FAM20A: variants seen among roughly 807,000 people sequenced by gnomAD.
The protein encoded by FAM20A is pseudokinase FAM20A.
A neutral mutation model predicts 52.0 loss-of-function variants in FAM20A; 42 were observed. That is an observed-to-expected ratio of 0.81 (90% CI 0.63 to 1.04). FAM20A has a LOEUF of 1.04. Among genes scored for constraint, FAM20A ranks in the 50% least tolerant of loss-of-function variants. The pLI is 0.00. For missense variants in FAM20A, 742 were observed against 712.7 expected (o/e 1.04, Z -0.47); for synonymous variants, 304 against 298.9 (o/e 1.02, Z -0.18).
chr17:68,561,070 C>T (rs2087198283), intron 1 of FAM20A, among the ~76,000 whole-genome samples: 2 of 152,134 alleles, frequency 1.3e-5, no homozygotes, highest in Admixed American at 6.5e-5. Flanking sequence ...GCATTTTTCT[C>T]CCAGTTTGTT....
intron 1 of FAM20A, among the ~76,000 whole-genome samples, chr17:68,572,481 C>T (rs957891118): frequency 2.0e-5 from 3 of 152,298 alleles, no homozygotes; most frequent in East Asian, 3.9e-4. Context: ...AGAGCAGTAA[C>T]ACTGAGTAGT....
intron 1 of FAM20A, among the ~76,000 whole-genome samples, chr17:68,575,732 A>G (rs1367343475): frequency 8.2e-6 from 1 of 122,180 alleles, no homozygotes; most frequent in Non-Finnish European, 1.6e-5. Context: ...TATTTTATAT[A>G]TTATATATTT....
chr17:68,540,244 T>G (rs905156160), intron 8 of FAM20A, among the ~76,000 whole-genome samples: 10 of 152,206 alleles, frequency 6.6e-5, no homozygotes, highest in African/African-American at 2.4e-4. Context: ...GAGATTTGAA[T>G]GTGCAGAAAG....
intron 10 of FAM20A, among the ~76,000 whole-genome samples, chr17:68,538,477 T>G (rs1238253189): frequency 6.6e-6 from 1 of 152,244 alleles, no homozygotes; most frequent in African/African-American, 2.4e-5. Flanking sequence ...ATATTTATAA[T>G]TAGCTCTGCA....
Position 68,589,046 on chromosome 17 carries a change from G to C in FAM20A, c.404+11217C>G, listed in dbSNP as rs543705413. ...TCCTGAATCTCCCCAGATAGCCTTT[G>C]ATTTATGTTGGCCAACATAGTATGG... On this transcript the variant is annotated intron_variant, in intron 1 of 10. Transcript: ENST00000592554. Among the ~76,000 whole-genome samples the C allele has an allele frequency of 5.1e-3, 774 of 152,304 alleles. 5 individuals are homozygous for C. The highest frequency in any genetic ancestry group is 8.4e-3 in the Non-Finnish European group (569 of 68,026).
At chr17:68,538,444 T>A (rs1255352126) in intron 10 of FAM20A, among the ~76,000 whole-genome samples, 1 of 152,224 alleles carries the variant, frequency 6.6e-6, no homozygotes, top group East Asian at 1.9e-4. Context: ...ACAAATGAGA[T>A]GTTTTTGCTA....
rs777740586 is a variant in FAM20A at position 68,543,723 on chromosome 17, T to TGGAA, written c.720-6_720-3dup. The TGGAA allele has an allele frequency of 3.3e-5, 53 of 1,608,396 alleles. No homozygotes were observed. The highest frequency in any genetic ancestry group is 2.7e-4 in the South Asian group (25 of 90,964). On this transcript the variant is annotated splice_region_variant and splice_polypyrimidine_tract_variant and intron_variant, in intron 4 of 10. Transcript: ENST00000592554. The stretch of plus-strand genomic sequence containing the variant: ...GGTGTCTCCTCATCTCGCTGCTGTC[T>TGGAA]GGAAGGAAGGAAGGAATCACGCCCT...
rs1004089452 is a variant in FAM20A, at chr17:68,539,938, C to T, written c.1248G>A (p.Met416Ile). The T allele has an allele frequency of 1.4e-5, 22 of 1,614,082 alleles. No individual in the cohort carries two copies. The highest frequency in any genetic ancestry group is 1.9e-5 in the Non-Finnish European group (22 of 1,180,040). ...ACCCATCATCCCCGAACTTGGTGAA[C>T]ATCTCATAATGGTGCCGGTCCATAT... The part of the protein sequence containing the change: ...IGNMDRHHYE[M>I]FTKFGDDGFL... Residue 416 changes from methionine to isoleucine, a missense_variant, in exon 9 of 11, where the codon ATG becomes ATA. By Grantham distance (10) the Met-to-Ile change is conservative (BLOSUM62 1). Transcript: ENST00000592554.
At chr17:68,576,815 C>T (rs1339922372) in intron 1 of FAM20A, among the ~76,000 whole-genome samples, 1 of 152,226 alleles carries the variant, frequency 6.6e-6, no homozygotes, top group Non-Finnish European at 1.5e-5. Context: ...CAGCCCTGTT[C>T]ATTTTGAATA....
At chr17:68,594,797 T>C (rs1407053520) in intron 1 of FAM20A, among the ~76,000 whole-genome samples, 1 of 152,352 alleles carries the variant, frequency 6.6e-6, no homozygotes, top group East Asian at 1.9e-4. Context: ...CTTATTCTGC[T>C]TTGAATCTCA....
At chr17:68,538,297 CTT>C (rs772687669) in intron 10 of FAM20A, among the ~76,000 whole-genome samples, 18 of 152,174 alleles carry the variant, frequency 1.2e-4, no homozygotes, top group Non-Finnish European at 1.0e-4. Context: ...GCTTAATTGA[CTT>C]TTGTCAAAAA....
intron 1 of FAM20A, among the ~76,000 whole-genome samples, chr17:68,575,352 A>C (rs2087696676): frequency 6.9e-6 from 1 of 144,660 alleles, no homozygotes; most frequent in African/African-American, 2.6e-5. Context: ...TTCAAGACCA[A>C]CCTGGCCAAC....
chr17:68,540,962 A>AG lies in FAM20A; in HGVS notation c.1110-5dup. On this transcript the variant is annotated splice_region_variant and splice_polypyrimidine_tract_variant and intron_variant, in intron 7 of 10. Transcript: ENST00000592554. ...GTAAAGGGGATTGACCTCCCACCTG[A>AG]GGGGGAGAAGAAGTCCTGGGGCTGG... is the stretch of plus-strand genomic sequence containing the variant. The AG allele has an allele frequency of 4.4e-6, 7 of 1,578,364 alleles. No homozygotes were observed. The highest frequency in any genetic ancestry group is 6.0e-6 in the Non-Finnish European group (7 of 1,160,364).
intron 1 of FAM20A, among the ~76,000 whole-genome samples, chr17:68,591,141 C>A (rs1256168854): frequency 6.7e-6 from 1 of 149,586 alleles, no homozygotes; most frequent in Admixed American, 6.6e-5. Flanking sequence ...GAGTCTCACT[C>A]TGTGGCCCAG....
intron 1 of FAM20A, among the ~76,000 whole-genome samples, chr17:68,584,347 CAAAA>C (rs11471248): frequency 8.0e-6 from 1 of 124,716 alleles, no homozygotes; most frequent in Admixed American, 8.0e-5. Flanking sequence ...CAAAACAAAA[CAAAA>C]AAAAAACCCA....
intron 9 of FAM20A, among the ~76,000 whole-genome samples, 183 bp from the exon 10 acceptor site, chr17:68,539,579 G>A (rs185204688): frequency 2.8e-4 from 42 of 152,346 alleles, no homozygotes; most frequent in African/African-American, 9.9e-4. Flanking sequence ...AGAGATGTTA[G>A]AGCTAAGCAA....
chr17:68,540,968 A>T lies in FAM20A; in HGVS notation c.1110-10T>A. ...GGGATTGACCTCCCACCTGAGGGGGAGAAGAAGTCCTGGGGCTGGAAAAGC... is the reference window on the plus strand; with the variant it reads ...GGGATTGACCTCCCACCTGAGGGGGTGAAGAAGTCCTGGGGCTGGAAAAGC... On this transcript the variant is annotated splice_polypyrimidine_tract_variant and intron_variant, in intron 7 of 10. Coordinates refer to ENST00000592554, the MANE Select transcript of FAM20A (RefSeq NM_017565.4). The T allele has an allele frequency of 6.4e-7, 1 of 1,573,856 alleles. No homozygotes were observed. Among genetic ancestry groups the T allele is most frequent in the Non-Finnish European group, 8.6e-7 (1 of 1,158,022 alleles).
rs2087023387 is a variant in FAM20A, at chr17:68,555,471, G to A, written c.589+88C>T. Reference sequence around the variant, plus strand: ...CAGGTGTCCATGTCAAGCCTCTAATGTTCCACTCTGGAGCCTAGCCTGGGA... The same window carrying A: ...CAGGTGTCCATGTCAAGCCTCTAATATTCCACTCTGGAGCCTAGCCTGGGA... On this transcript the variant is annotated intron_variant, in intron 2 of 10. Transcript: ENST00000592554. 1.0e-5 allele frequency: 15 copies of A among 1,441,042 alleles called. No individual in the cohort carries two copies. In the South Asian group the frequency reaches 1.6e-4, roughly 15 times the overall value. The allele number at this position is 1,441,042 out of a possible 1,614,324, so 89.3% of individuals were successfully genotyped here.
chr17:68,569,413 A>T, intron 1 of FAM20A, among the ~76,000 whole-genome samples: 1 of 152,162 alleles, frequency 6.6e-6, no homozygotes, highest in East Asian at 1.9e-4. Context: ...CCTAACTGTA[A>T]CCAGAATGAT....
Sources: allele counts gnomAD v4.1 joint callset (sites outside exome capture counted in the v4.1 genomes callset), GRCh38; gene constraint gnomAD v4.1.1; transcripts MANE v1.5; gene names NCBI Gene and HGNC (gene_info 2026-07-23, HGNC 2026-07-21).